The following NFE2L3 variants were observed in gnomAD, a reference collection of about 807,000 sequenced individuals.
NFE2L3 encodes nuclear factor erythroid 2-related factor 3.
A neutral mutation model predicts 23.5 loss-of-function variants in NFE2L3; 18 were observed. That is an observed-to-expected ratio of 0.77 (90% confidence interval 0.53 to 1.13). The LOEUF (loss-of-function observed/expected upper bound fraction) is 1.13. Among genes scored for constraint, NFE2L3 ranks in the 50% most tolerant of loss-of-function variants. The pLI is 0.00. For missense variants in NFE2L3, 1,152 were observed against 877.2 expected, an observed-to-expected ratio of 1.31 and a Z score of -3.96; for synonymous variants, 424 against 354.5, an observed-to-expected ratio of 1.20 and a Z score of -2.20.
rs750385030 is a variant in NFE2L3 at position 26,152,921 on chromosome 7, C to T, written c.423C>T (p.Ala141=). 6.9e-7 allele frequency: 1 copy of T among 1,439,918 alleles called. No homozygotes were observed. The highest frequency in any genetic ancestry group is 1.4e-5 in the South Asian group (1 of 70,546). The allele number at this position is 1,439,918 out of a possible 1,614,324, so 89.2% of individuals were successfully genotyped here. Reference sequence around the variant, plus strand: ...CCTCGTCCACCGGAGGAGCCGGCGCCAGCGTGGACGGCGGCAGCCAGGCTG... The same window carrying T: ...CCTCGTCCACCGGAGGAGCCGGCGCTAGCGTGGACGGCGGCAGCCAGGCTG... ...AAASSTGGAG[A]SVDGGSQAVQ... The change falls in exon 1 of 4, where the codon GCC becomes GCT. Residue 141 remains alanine, a synonymous_variant. Transcript: ENST00000056233. This position sits in a 1 kb window ranked among gnomAD's most constrained non-coding sequence, Gnocchi z 4.4.
chr7:26,183,151 TAAC>T (rs1302915287), intron 2 of NFE2L3, among the ~76,000 whole-genome samples: 1 of 152,140 alleles, frequency 6.6e-6, no homozygotes, highest in Non-Finnish European at 1.5e-5. Context: ...AAGCTGAAAC[TAAC>T]AATTAGCCAA....
At chr7:26,179,403 G>A (rs1381508883) in intron 2 of NFE2L3, among the ~76,000 whole-genome samples, 1 of 152,084 alleles carries the variant, frequency 6.6e-6, no homozygotes, top group Non-Finnish European at 1.5e-5. Flanking sequence ...AGGAGGCTGA[G>A]GTGGGAGGAT....
In NFE2L3 at chr7:26,184,779, T is replaced by G. The variant is rs767517232; in HGVS notation, c.1081T>G (p.Leu361Val). Residue 361 changes from leucine to valine, a missense_variant, in exon 4 of 4, where the codon TTG (leucine) becomes GTG (valine). By Grantham distance (32) the Leu-to-Val change is conservative. Coordinates refer to ENST00000056233, the MANE Select transcript of NFE2L3 (RefSeq NM_004289.7). ...TGAGCAAACCCTTCCTGGAACTAATTTGACAGGATTTCTTTCACCGGTTGA... is the reference window on the plus strand; with the variant it reads ...TGAGCAAACCCTTCCTGGAACTAATGTGACAGGATTTCTTTCACCGGTTGA... ...NPEQTLPGTN[L>V]TGFLSPVDNH... The G allele has an allele frequency of 1.2e-6, 2 of 1,613,818 alleles. No homozygotes were observed. Among genetic ancestry groups the G allele is most frequent in the African/African-American group, 1.3e-5 (1 of 74,914 alleles).
chr7:26,178,587 G>GT, intron 2 of NFE2L3, among the ~76,000 whole-genome samples: 1 of 152,306 alleles, frequency 6.6e-6, no homozygotes, highest in South Asian at 2.1e-4. Context: ...TGGCTGAACC[G>GT]TTGGGCATCC....
chr7:26,181,151 A>G (rs986434125), intron 2 of NFE2L3, among the ~76,000 whole-genome samples: 3 of 151,856 alleles, frequency 2.0e-5, no homozygotes, highest in African/African-American at 7.3e-5. Flanking sequence ...AATTTTTTGT[A>G]TTTTCAGTAG....
chr7:26,168,237 A>G (rs961693829), intron 1 of NFE2L3, among the ~76,000 whole-genome samples: 13 of 151,692 alleles, frequency 8.6e-5, no homozygotes, highest in African/African-American at 2.9e-4. Flanking sequence ...CCTGGGTTCA[A>G]GTGATTTTCC....
At position 26,183,218 on chromosome 7, in the gene NFE2L3, CTT is replaced by C. The variant is rs563824231; in HGVS notation, c.751-480_751-479del. Among the ~76,000 whole-genome samples, 183 of 152,100 alleles carry C rather than the reference CTT, an allele frequency of 1.2e-3. 1 individual carries two copies. Among genetic ancestry groups the C allele is most frequent in the Admixed American group, 3.7e-3 (56 of 15,286 alleles). ...AATAGAAATACTGATTAGCTTTGGA[CTT>C]TTAAGTATGCATGTTGAAATACTGA... is the stretch of plus-strand genomic sequence containing the variant. On this transcript the variant is annotated intron_variant, in intron 2 of 3. Coordinates refer to ENST00000056233, the MANE Select transcript of NFE2L3 (RefSeq NM_004289.7).
intron 1 of NFE2L3, among the ~76,000 whole-genome samples, chr7:26,162,010 G>A (rs1293944542): frequency 6.6e-6 from 1 of 151,972 alleles, no homozygotes; most frequent in Non-Finnish European, 1.5e-5. Flanking sequence ...GGGCATGTTG[G>A]CACACACATG....
chr7:26,168,080 CT>C (rs1784277286), intron 1 of NFE2L3, among the ~76,000 whole-genome samples: 1 of 145,066 alleles, frequency 6.9e-6, no homozygotes, highest in Admixed American at 6.9e-5. Context: ...CCTCACCCCC[CT>C]CTCTCCCTTC....
chr7:26,186,060 A>G lies in NFE2L3; in HGVS notation c.*277A>G, dbSNP rs1782477964. On this transcript the variant is annotated 3_prime_UTR_variant, in exon 4 of 4. Coordinates refer to ENST00000056233, the MANE Select transcript of NFE2L3 (RefSeq NM_004289.7). ...GAATAGGTTAACATGAAAACCCAGT[A>G]AGACTTTCCATCTTGGCAGCCATCC... 1 of 264,966 alleles carries G rather than the reference A, an allele frequency of 3.8e-6. No individual in the cohort carries two copies. Among genetic ancestry groups the G allele is most frequent in the Non-Finnish European group, 7.1e-6 (1 of 141,362 alleles). 16.4% of individuals were successfully genotyped at this position (264,966 alleles called of 1,614,324 possible).
chr7:26,163,378 C>G (rs1484597002), intron 1 of NFE2L3, among the ~76,000 whole-genome samples: 1 of 152,044 alleles, frequency 6.6e-6, no homozygotes, highest in African/African-American at 2.4e-5. Flanking sequence ...CGGAGATTTG[C>G]TCTTGTTGCC....
chr7:26,185,280 C>T lies in NFE2L3; in HGVS notation c.1582C>T (p.Leu528Phe). Residue 528 changes from leucine (L) to phenylalanine (F), a missense_variant, in exon 4 of 4, where the codon CTT (leucine) becomes TTT (phenylalanine). Leu to Phe is a conservative substitution (Grantham distance 22). Coordinates refer to ENST00000056233, the MANE Select transcript of NFE2L3 (RefSeq NM_004289.7). The stretch of plus-strand genomic sequence containing the variant: ...GTCACAGAAGATAAGGAGTAGATAC[C>T]TTGAAGACACAGATAGAAACTTGAG... ...GKSQKIRSRYLEDTDRNLSRD... is the reference protein window; with the variant it reads ...GKSQKIRSRYFEDTDRNLSRD... 1 of 1,614,100 alleles carries T rather than the reference C, an allele frequency of 6.2e-7. No individual in the cohort carries two copies. The highest frequency in any genetic ancestry group is 2.2e-5 in the East Asian group (1 of 44,886).
Position 26,152,735 on chromosome 7 carries a change from G to T in NFE2L3, c.237G>T (p.Arg79=). 1 of 1,469,662 alleles carries T rather than the reference G, an allele frequency of 6.8e-7. No individual in the cohort carries two copies. 91.0% of individuals were successfully genotyped at this position (1,469,662 alleles called of 1,614,324 possible). A position where few individuals can be genotyped will look rare whatever the true frequency, so the allele number is the denominator to read the frequency against. Residue 79 remains arginine (R), a synonymous_variant, in exon 1 of 4, where the codon CGG becomes CGT. Transcript: ENST00000056233. This position sits in a 1 kb window ranked among gnomAD's most constrained non-coding sequence, Gnocchi z 4.4. ...CGGGCCACTTGCACCCCAAGGGCCG[G>T]GAGCTGGACCCTGCCGCGCCGCCCG... The part of the protein sequence containing the change: ...GRAGHLHPKG[R]ELDPAAPPEG...
intron 1 of NFE2L3, among the ~76,000 whole-genome samples, chr7:26,160,593 A>G (rs2237335): frequency 0.56 from 85,150 of 152,164 alleles, 24,741 homozygotes; most frequent in African/African-American, 0.71. Context: ...CAGGAGCTGC[A>G]ATGCTACAGG....
intron 3 of NFE2L3, chr7:26,184,192 C>A: frequency 2.9e-6 from 1 of 341,122 alleles, no homozygotes. Context: ...TTTATTATCC[C>A]TGACCCTCCA....
At chr7:26,172,044 T>G (rs1032929913) in intron 1 of NFE2L3, among the ~76,000 whole-genome samples, 2 of 152,234 alleles carry the variant, frequency 1.3e-5, no homozygotes, top group African/African-American at 4.8e-5. Context: ...GTATCACCAT[T>G]ATTATTTAGC....
intron 1 of NFE2L3, among the ~76,000 whole-genome samples, chr7:26,157,324 C>T (rs569234093): frequency 2.0e-5 from 3 of 151,732 alleles, no homozygotes; most frequent in African/African-American, 4.8e-5. Flanking sequence ...ACTACAGACG[C>T]GCACCACTGC....
intron 1 of NFE2L3, among the ~76,000 whole-genome samples, chr7:26,163,160 A>T (rs1784198109): frequency 6.6e-6 from 1 of 152,102 alleles, no homozygotes; most frequent in Non-Finnish European, 1.5e-5. Flanking sequence ...TATTCTTTTG[A>T]AACAAATCCC....
intron 1 of NFE2L3, among the ~76,000 whole-genome samples, chr7:26,165,746 C>G (rs1784239992): frequency 6.6e-6 from 1 of 152,098 alleles, no homozygotes; most frequent in South Asian, 2.1e-4. Flanking sequence ...GGGAATGCTT[C>G]CAGTTTTTGC....
Sources: allele counts gnomAD v4.1 joint callset (sites outside exome capture counted in the v4.1 genomes callset), GRCh38; gene constraint gnomAD v4.1.1; non-coding constraint Gnocchi (gnomAD v3.1); transcripts MANE v1.5; gene names NCBI Gene and HGNC (gene_info 2026-07-23, HGNC 2026-07-21).